The following SCAPER variants were observed in gnomAD, a reference collection of about 807,000 sequenced individuals.
The protein encoded by SCAPER is S-phase cyclin A associated protein in the ER.
SCAPER carries 98 observed loss-of-function variants against 182.2 expected under a neutral mutation model. That is an observed-to-expected ratio of 0.54 (90% CI 0.46 to 0.64). The LOEUF (loss-of-function observed/expected upper bound fraction) is 0.64. SCAPER is among the 30% of genes least tolerant of loss of function. SCAPER has a pLI of 0.00. For missense variants in SCAPER, 1,432 were observed against 1,690.0 expected, an observed-to-expected ratio of 0.85 and a Z score of 2.68; for synonymous variants, 605 against 564.6, an observed-to-expected ratio of 1.07 and a Z score of -1.01.
intron 26 of SCAPER, 49 bp downstream of exon 26, chr15:76,434,029 T>C (rs763519373): frequency 6.8e-7 from 1 of 1,462,852 alleles, no homozygotes. Flanking sequence ...ATTATTTTAA[T>C]ATAGTTTCTT....
At chr15:76,537,779 G>A (rs1267138961) in intron 23 of SCAPER, among the ~76,000 whole-genome samples, 4 of 152,194 alleles carry the variant, frequency 2.6e-5, no homozygotes, top group Admixed American at 1.3e-4. Flanking sequence ...GAGTGAACAG[G>A]CAACCTACAA....
At chr15:76,584,864 A>T (rs2145567898) in intron 22 of SCAPER, among the ~76,000 whole-genome samples, 1 of 152,306 alleles carries the variant, frequency 6.6e-6, no homozygotes, top group Admixed American at 6.5e-5. Flanking sequence ...CAATTTAAAT[A>T]AGAAAGTTCT....
In SCAPER at chr15:76,753,248, T is replaced by C. The variant is rs151041260; in HGVS notation, c.1866+560A>G. Among the ~76,000 whole-genome samples, 79 of 151,914 alleles carry C rather than the reference T, an allele frequency of 5.2e-4. 1 individual carries two copies. Among genetic ancestry groups the C allele is most frequent in the African/African-American group, 1.8e-3 (73 of 41,514 alleles). ...TCAACAAGTGACTGGGTTAACAAAT[T>C]ATGGTATTTCCATACGTAAAGAAAT... On this transcript the variant is annotated intron_variant, in intron 15 of 31. Coordinates refer to ENST00000563290, the MANE Select transcript of SCAPER (RefSeq NM_020843.4).
At chr15:76,473,818 T>C (rs887013073) in intron 24 of SCAPER, among the ~76,000 whole-genome samples, 1 of 152,090 alleles carries the variant, frequency 6.6e-6, no homozygotes, top group African/African-American at 2.4e-5. Flanking sequence ...ATTATTATTT[T>C]TTGAGACAGG....
At chr15:76,602,296 A>G (rs1262597988) in intron 22 of SCAPER, among the ~76,000 whole-genome samples, 3 of 121,676 alleles carry the variant, frequency 2.5e-5, no homozygotes, top group African/African-American at 7.5e-5. Flanking sequence ...CATTTCCTGC[A>G]AGGCAAGTCT....
chr15:76,487,618 A>C (rs2051786957), intron 24 of SCAPER, among the ~76,000 whole-genome samples: 1 of 152,160 alleles, frequency 6.6e-6, no homozygotes, highest in South Asian at 2.1e-4. Context: ...TGAGGAGAGG[A>C]TGGGAAGAGG....
intron 20 of SCAPER, among the ~76,000 whole-genome samples, chr15:76,680,456 G>T (rs2057637503): frequency 6.7e-6 from 1 of 149,594 alleles, no homozygotes. Flanking sequence ...TAATAATACA[G>T]GGGCCAATTA....
At chr15:76,520,596 C>T (rs980981361) in intron 23 of SCAPER, among the ~76,000 whole-genome samples, 1 of 152,070 alleles carries the variant, frequency 6.6e-6, no homozygotes, top group Non-Finnish European at 1.5e-5. Context: ...TACTCATACA[C>T]ACCCCCCACC....
chr15:76,690,474 G>T (rs956033820), intron 20 of SCAPER, among the ~76,000 whole-genome samples: 2 of 152,062 alleles, frequency 1.3e-5, no homozygotes, highest in African/African-American at 2.4e-5. Flanking sequence ...AACAGTATTG[G>T]AAATACTAAT....
chr15:76,652,518 T>TACACACACACACAC (rs71143350), intron 21 of SCAPER, among the ~76,000 whole-genome samples: 9 of 88,924 alleles, frequency 1.0e-4, no homozygotes, highest in African/African-American at 2.7e-4. Flanking sequence ...TTTACATACA[T>TACACACACACACAC]ACACACACAC....
chr15:76,838,416 T>C (rs888125031), intron 5 of SCAPER, among the ~76,000 whole-genome samples: 6 of 152,134 alleles, frequency 3.9e-5, no homozygotes, highest in Non-Finnish European at 8.8e-5. Context: ...GTTTTACATA[T>C]ACTCACCTAG....
chr15:76,611,722 A>G (rs1375656900), intron 22 of SCAPER, among the ~76,000 whole-genome samples: 2 of 152,226 alleles, frequency 1.3e-5, no homozygotes, highest in Non-Finnish European at 2.9e-5. Flanking sequence ...CAAATCCAGT[A>G]GCACATCAAA....
chr15:76,426,410 G>T (rs546764626), intron 26 of SCAPER, among the ~76,000 whole-genome samples: 45 of 152,208 alleles, frequency 3.0e-4, no homozygotes, highest in African/African-American at 2.9e-4. Context: ...CTCTGAGCCA[G>T]GTGCGGGATA....
chr15:76,762,201 A>T (rs1170806185), intron 14 of SCAPER, among the ~76,000 whole-genome samples: 1 of 152,224 alleles, frequency 6.6e-6, no homozygotes, highest in East Asian at 1.9e-4. Flanking sequence ...TAATTCACTG[A>T]GCCACTCTAT....
chr15:76,761,733 G>A lies in SCAPER; in HGVS notation c.1725+3228C>T, dbSNP rs550423812. 2.7e-4 allele frequency among the ~76,000 whole-genome samples: 41 copies of A among 152,262 alleles called. No homozygotes were observed. The South Asian group carries it at 3.3e-3, about 12-fold the overall frequency. On this transcript the variant is annotated intron_variant, in intron 14 of 31. Coordinates refer to ENST00000563290, the MANE Select transcript of SCAPER (RefSeq NM_020843.4). ...ATCTATTCTGAAGAACGTTTCATGC[G>A]CACTTGAGAAGGATGAGTATTCTGC...
At chr15:76,670,005 T>C (rs1433691668) in intron 20 of SCAPER, among the ~76,000 whole-genome samples, 2 of 152,188 alleles carry the variant, frequency 1.3e-5, no homozygotes, top group East Asian at 3.8e-4. Context: ...TCAAGAATCA[T>C]ATCTTTATTA....
chr15:76,491,128 T>C (rs1423357214), intron 24 of SCAPER, among the ~76,000 whole-genome samples: 1 of 152,218 alleles, frequency 6.6e-6, no homozygotes, highest in African/African-American at 2.4e-5. Flanking sequence ...CAGTTGACTG[T>C]ATATACACAG....
intron 29 of SCAPER, among the ~76,000 whole-genome samples, chr15:76,372,628 G>A (rs1312380261): frequency 2.0e-5 from 3 of 152,168 alleles, no homozygotes; most frequent in Non-Finnish European, 2.9e-5. Flanking sequence ...AATATGAAAT[G>A]CACCAAAAGC....
chr15:76,699,652 A>C (rs2058828861), intron 20 of SCAPER, among the ~76,000 whole-genome samples: 1 of 152,178 alleles, frequency 6.6e-6, no homozygotes, highest in African/African-American at 2.4e-5. Context: ...GACCAGGCCC[A>C]TGGCTTTGCT....
Sources: allele counts gnomAD v4.1 joint callset (sites outside exome capture counted in the v4.1 genomes callset), GRCh38; gene constraint gnomAD v4.1.1; transcripts MANE v1.5; gene names NCBI Gene and HGNC (gene_info 2026-07-23, HGNC 2026-07-21).